The following ARHGAP22 variants were observed in gnomAD, a reference collection of about 807,000 sequenced individuals.
The protein encoded by ARHGAP22 is Rho GTPase activating protein 22, also known as rho GTPase-activating protein 22.
Under a neutral mutation model 59.1 loss-of-function variants are expected in ARHGAP22, and 48 were observed. That is an observed-to-expected ratio of 0.81 (90% confidence interval 0.64 to 1.03). ARHGAP22 has a LOEUF of 1.03. Among genes scored for constraint, ARHGAP22 ranks in the 50% least tolerant of loss-of-function variants. The pLI is 0.00. For missense variants in ARHGAP22, 1,015 were observed against 958.7 expected (o/e 1.06, Z -0.78); for synonymous variants, 445 against 416.4 (o/e 1.07, Z -0.84).
chr10:48,566,323 T>G (rs1160008886), intron 2 of ARHGAP22, among the ~76,000 whole-genome samples: 1 of 152,168 alleles, frequency 6.6e-6, no homozygotes, highest in Non-Finnish European at 1.5e-5. Flanking sequence ...AGGAACTGAA[T>G]GTCTCTGAGT....
At chr10:48,611,170 T>C (rs1002651889) in intron 1 of ARHGAP22, among the ~76,000 whole-genome samples, 5 of 152,112 alleles carry the variant, frequency 3.3e-5, no homozygotes, top group African/African-American at 1.2e-4. Context: ...TTAGAGTGAG[T>C]GTGGGACTGA....
At chr10:48,564,790 C>T (rs1458200098) in intron 2 of ARHGAP22, among the ~76,000 whole-genome samples, 1 of 152,236 alleles carries the variant, frequency 6.6e-6, no homozygotes, top group African/African-American at 2.4e-5. Flanking sequence ...CTCAAGCTTC[C>T]TCAGACTGAA....
chr10:48,567,754 CCT>C (rs917258745), intron 2 of ARHGAP22, among the ~76,000 whole-genome samples: 1 of 152,048 alleles, frequency 6.6e-6, no homozygotes, highest in Non-Finnish European at 1.5e-5. Context: ...TATCTCTCCC[CCT>C]GAGTCAACCT....
At chr10:48,535,899 A>G (rs1402299904) in intron 3 of ARHGAP22, among the ~76,000 whole-genome samples, 1 of 152,130 alleles carries the variant, frequency 6.6e-6, no homozygotes, top group East Asian at 1.9e-4. Context: ...TTCTCAGTGG[A>G]GCTGTGGCCA....
At chr10:48,536,999 C>A (rs540030128) in intron 3 of ARHGAP22, among the ~76,000 whole-genome samples, 19 of 152,052 alleles carry the variant, frequency 1.2e-4, no homozygotes, top group South Asian at 1.2e-3. Flanking sequence ...AAAAAAAAAA[C>A]CCCATCACCA....
chr10:48,552,411 G>A (rs1250812371), intron 3 of ARHGAP22, among the ~76,000 whole-genome samples: 1 of 152,250 alleles, frequency 6.6e-6, no homozygotes, highest in Non-Finnish European at 1.5e-5. Flanking sequence ...CACAGAGCCT[G>A]CCACCTGGCA....
chr10:48,471,716 T>C (rs149141545), intron 4 of ARHGAP22, among the ~76,000 whole-genome samples: 51 of 152,284 alleles, frequency 3.3e-4, no homozygotes, highest in Admixed American at 1.2e-3. Flanking sequence ...ACTTGCAAAA[T>C]AGATTTGGAA....
intron 3 of ARHGAP22, among the ~76,000 whole-genome samples, chr10:48,535,933 G>A (rs542708761): frequency 3.3e-5 from 5 of 152,188 alleles, no homozygotes; most frequent in Non-Finnish European, 4.4e-5. Context: ...GTGGAGGGGC[G>A]GGAATTGGGA....
chr10:48,482,722 G>C (rs192563877), intron 3 of ARHGAP22, among the ~76,000 whole-genome samples: 42 of 152,244 alleles, frequency 2.8e-4, no homozygotes, highest in African/African-American at 1.0e-3. Context: ...CATAGAGTGT[G>C]TAATAATCAA....
chr10:48,553,334 G>A (rs1165333072), intron 3 of ARHGAP22, among the ~76,000 whole-genome samples: 1 of 152,246 alleles, frequency 6.6e-6, no homozygotes, highest in Non-Finnish European at 1.5e-5. Context: ...AACCTGATGC[G>A]CAGGCAGGCT....
chr10:48,453,247 C>T, intron 8 of ARHGAP22, 57 bp downstream of exon 8: 5 of 1,607,462 alleles, frequency 3.1e-6, no homozygotes, highest in Non-Finnish European at 4.2e-6. Context: ...TGCCGTGGAC[C>T]AAGATGAGCC....
At position 48,446,384 on chromosome 10, in the gene ARHGAP22, A is replaced by G. The variant is rs779823874; in HGVS notation, c.*7T>C. 1 of 1,613,978 alleles carries G rather than the reference A, an allele frequency of 6.2e-7. No homozygotes were observed. Among genetic ancestry groups the G allele is most frequent in the South Asian group, 1.1e-5 (1 of 91,062 alleles). On this transcript the variant is annotated 3_prime_UTR_variant, in exon 10 of 10. Coordinates refer to ENST00000249601, the MANE Select transcript of ARHGAP22 (RefSeq NM_021226.4). The stretch of plus-strand genomic sequence containing the variant: ...ACGTGGTACAGAAGTGAGCTCTGCC[A>G]TTCCTTTTACTTTGGGGCCCTGGCA...
chr10:48,596,422 G>A (rs1485668298), intron 1 of ARHGAP22, among the ~76,000 whole-genome samples: 1 of 152,162 alleles, frequency 6.6e-6, no homozygotes, highest in Non-Finnish European at 1.5e-5. Flanking sequence ...CAGTGAGACA[G>A]TCGGGCTTGG....
At chr10:48,530,137 TGA>T (rs2054683972) in intron 3 of ARHGAP22, among the ~76,000 whole-genome samples, 1 of 147,910 alleles carries the variant, frequency 6.8e-6, no homozygotes, top group Non-Finnish European at 1.5e-5. Flanking sequence ...CTTGGGAGGC[TGA>T]GGCAGGAGAA....
At chr10:48,536,492 CCACCTGCTAGTTACT>C (rs1363906294) in intron 3 of ARHGAP22, among the ~76,000 whole-genome samples, 6 of 152,228 alleles carry the variant, frequency 3.9e-5, no homozygotes, top group African/African-American at 7.2e-5. Context: ...CACTGTCCCC[CCACCTGCTAGTTACT>C]CAGTACCAAG....
intron 4 of ARHGAP22, among the ~76,000 whole-genome samples, chr10:48,476,647 G>C (rs1024958313): frequency 5.9e-5 from 9 of 152,224 alleles, no homozygotes; most frequent in African/African-American, 2.2e-4. Context: ...TTTGATGGCA[G>C]TTCCTGTTTT....
At chr10:48,587,760 C>G (rs1359504173) in intron 1 of ARHGAP22, among the ~76,000 whole-genome samples, 1 of 151,052 alleles carries the variant, frequency 6.6e-6, no homozygotes, top group Non-Finnish European at 1.5e-5. Flanking sequence ...TCTATTACAA[C>G]AAGGCCTGAA....
chr10:48,450,912 C>A lies in ARHGAP22; in HGVS notation c.1217G>T (p.Arg406Ile). 2 of 1,598,168 alleles carry A rather than the reference C, an allele frequency of 1.3e-6. No individual in the cohort carries two copies. Among genetic ancestry groups the A allele is most frequent in the Non-Finnish European group, 1.7e-6 (2 of 1,173,436 alleles). ...LDGAAVAVLS[R>I]TAPTGPGSRC... Reference sequence around the variant, plus strand: ...GCTCCCCGGCCCCGTGGGGGCTGTTCTGGAGAGCACCGCCACGGCCGCCCC... The same window carrying A: ...GCTCCCCGGCCCCGTGGGGGCTGTTATGGAGAGCACCGCCACGGCCGCCCC... Residue 406 changes from arginine (R) to isoleucine (I), a missense_variant, in exon 9 of 10, where the codon AGA becomes ATA. Physicochemically the swap from Arg to Ile is moderately conservative, Grantham distance 97 (BLOSUM62 -3). Coordinates refer to ENST00000249601, the MANE Select transcript of ARHGAP22 (RefSeq NM_021226.4).
intron 3 of ARHGAP22, among the ~76,000 whole-genome samples, chr10:48,495,153 T>A (rs377353141): frequency 2.0e-5 from 3 of 152,182 alleles, no homozygotes; most frequent in Non-Finnish European, 2.9e-5. Context: ...TTCTTCCTGG[T>A]GTCCCCAGGT....
Sources: allele counts gnomAD v4.1 joint callset (sites outside exome capture counted in the v4.1 genomes callset), GRCh38; gene constraint gnomAD v4.1.1; transcripts MANE v1.5; gene names NCBI Gene and HGNC (gene_info 2026-07-23, HGNC 2026-07-21).